Variants in SUFU observed in about 807,000 individuals in gnomAD.
The protein encoded by SUFU is SUFU negative regulator of hedgehog signaling.
SUFU carries 7 observed loss-of-function variants against 58.9 expected under a neutral mutation model. The observed-to-expected ratio is 0.12, with a 90% CI of 0.07 to 0.22. SUFU has a LOEUF of 0.22. SUFU is among the 10% of genes least tolerant of loss of function. SUFU has a pLI of 1.00. For synonymous variants in SUFU, 232 were observed against 254.8 expected (o/e 0.91, Z 0.85); for missense variants, 451 against 641.3 (o/e 0.70, Z 3.20).
At chr10:102,614,157 G>A (rs908573091) in intron 8 of SUFU, among the ~76,000 whole-genome samples, 1 of 152,216 alleles carries the variant, frequency 6.6e-6, no homozygotes, top group African/African-American at 2.4e-5. Context: ...GCATCTCATG[G>A]TGCTCAGAGC....
chr10:102,562,940 T>C (rs2063053376), intron 3 of SUFU, among the ~76,000 whole-genome samples: 1 of 152,200 alleles, frequency 6.6e-6, no homozygotes, highest in Non-Finnish European at 1.5e-5. Flanking sequence ...GGTACTTACC[T>C]TCTCTTATTT....
chr10:102,613,614 C>T (rs1308332495), intron 8 of SUFU, among the ~76,000 whole-genome samples: 1 of 152,256 alleles, frequency 6.6e-6, no homozygotes, highest in African/African-American at 2.4e-5. Flanking sequence ...CTGCCTGCCA[C>T]TTGAATGATA....
At chr10:102,567,086 A>G (rs1376267668) in intron 3 of SUFU, among the ~76,000 whole-genome samples, 1 of 112,112 alleles carries the variant, frequency 8.9e-6, no homozygotes, top group Non-Finnish European at 1.7e-5. Flanking sequence ...ATCTCGGCTC[A>G]CTGCAACCTC....
intron 2 of SUFU, among the ~76,000 whole-genome samples, chr10:102,545,568 G>C (rs1227262031): frequency 6.6e-6 from 1 of 152,128 alleles, no homozygotes; most frequent in African/African-American, 2.4e-5. Flanking sequence ...CCCTAATGAT[G>C]TGCAAGTATT....
chr10:102,508,688 G>A (rs1268296030), intron 1 of SUFU, among the ~76,000 whole-genome samples: 1 of 152,222 alleles, frequency 6.6e-6, no homozygotes, highest in African/African-American at 2.4e-5. Context: ...TAGTCTTTCA[G>A]GAATTAGCTG....
In SUFU at chr10:102,600,736, G is replaced by A. The variant is rs146670013; in HGVS notation, c.1022+1192G>A. On this transcript the variant is annotated intron_variant, in intron 8 of 11. Coordinates refer to ENST00000369902, the MANE Select transcript of SUFU (RefSeq NM_016169.4). ...CACAGGGGAGGCCTGGCTGGTTAAA[G>A]TTGAGGCTGCCTGCTGGGACCTGAC... Among the ~76,000 whole-genome samples, 138 of 152,336 alleles carry A rather than the reference G, an allele frequency of 9.1e-4. 1 individual carries two copies. The highest frequency in any genetic ancestry group is 3.2e-3 in the African/African-American group (135 of 41,572).
At chr10:102,514,429 CATTCACT>C (rs906157521) in intron 2 of SUFU, among the ~76,000 whole-genome samples, 17 of 152,200 alleles carry the variant, frequency 1.1e-4, no homozygotes, top group African/African-American at 4.1e-4. Context: ...TCCTTATTCA[CATTCACT>C]AAAGGAAACC....
Position 102,516,987 on chromosome 10 carries a change from G to T in SUFU, c.317+7684G>T, listed in dbSNP as rs182190409. Among the ~76,000 whole-genome samples, 1,367 of 151,704 alleles carry T rather than the reference G, an allele frequency of 9.0e-3. 18 individuals are homozygous for T. The highest frequency in any genetic ancestry group is 0.031 in the African/African-American group (1,291 of 41,392). On this transcript the variant is annotated intron_variant, in intron 2 of 11. Coordinates refer to ENST00000369902, the MANE Select transcript of SUFU (RefSeq NM_016169.4). ...AAAATACAAAAATTAGCCGGGTGTG[G>T]TGGTGGGCACCTGTAATCCCAGCTA... is the stretch of plus-strand genomic sequence containing the variant.
At chr10:102,526,178 A>T (rs1308880410) in intron 2 of SUFU, among the ~76,000 whole-genome samples, 1 of 152,164 alleles carries the variant, frequency 6.6e-6, no homozygotes, top group Admixed American at 6.6e-5. Flanking sequence ...TGTGCTGATC[A>T]GTAGTGGGAT....
chr10:102,558,771 A>G (rs538761319), intron 3 of SUFU, among the ~76,000 whole-genome samples: 1 of 152,376 alleles, frequency 6.6e-6, no homozygotes, highest in South Asian at 2.1e-4. Context: ...CTGGAGGGAC[A>G]TGTCTTACCT....
chr10:102,568,948 A>G (rs1217858150), intron 3 of SUFU, among the ~76,000 whole-genome samples: 3 of 80,196 alleles, frequency 3.7e-5, no homozygotes, highest in African/African-American at 1.3e-4. Context: ...ATATATATAT[A>G]TATATATATA....
intron 3 of SUFU, among the ~76,000 whole-genome samples, chr10:102,562,171 G>C (rs1299936888): frequency 6.6e-6 from 1 of 152,112 alleles, no homozygotes; most frequent in African/African-American, 2.4e-5. Context: ...GCCTCCTCTT[G>C]CCTTCCCAAA....
intron 2 of SUFU, among the ~76,000 whole-genome samples, chr10:102,514,302 G>A (rs1470758955): frequency 1.3e-5 from 2 of 152,144 alleles, no homozygotes; most frequent in African/African-American, 4.8e-5. Context: ...ATTTCTTCTT[G>A]CTCCTGGCAG....
At chr10:102,578,175 G>C (rs1321961359) in intron 3 of SUFU, among the ~76,000 whole-genome samples, 1 of 148,974 alleles carries the variant, frequency 6.7e-6, no homozygotes, top group African/African-American at 2.5e-5. Flanking sequence ...GGGCGTGGTG[G>C]TGGGCGCTTG....
chr10:102,522,758 C>T (rs1433671687), intron 2 of SUFU, among the ~76,000 whole-genome samples: 1 of 152,224 alleles, frequency 6.6e-6, no homozygotes, highest in East Asian at 1.9e-4. Flanking sequence ...GCGTTGATCG[C>T]TGTCCTCTCT....
At position 102,619,347 on chromosome 10, in the gene SUFU, G is replaced by T; in HGVS notation, c.1296+1919G>T. On this transcript the variant is annotated intron_variant, in intron 10 of 11. Coordinates refer to ENST00000369902, the MANE Select transcript of SUFU (RefSeq NM_016169.4). The surrounding 1 kb of genome is among the most constrained non-coding windows in gnomAD (Gnocchi z 4.2). ...CGAGCCTGAGGCCCAGCACCCGCTGGCTCCCCAGCACATGGTCCCCTCCCA... is the reference window on the plus strand; with the variant it reads ...CGAGCCTGAGGCCCAGCACCCGCTGTCTCCCCAGCACATGGTCCCCTCCCA... The T allele has an allele frequency of 1.4e-6, 2 of 1,421,318 alleles. No individual in the cohort carries two copies. The highest frequency in any genetic ancestry group is 1.8e-6 in the Non-Finnish European group (2 of 1,090,396). 88.0% of individuals were successfully genotyped at this position (1,421,318 alleles called of 1,614,324 possible).
intron 2 of SUFU, among the ~76,000 whole-genome samples, chr10:102,548,402 GTGA>G (rs1402359596): frequency 1.3e-5 from 2 of 152,130 alleles, no homozygotes; most frequent in Non-Finnish European, 2.9e-5. Context: ...GCCTCTCGGG[GTGA>G]TGATGATCAT....
intron 2 of SUFU, among the ~76,000 whole-genome samples, chr10:102,547,826 C>CG (rs540392800): frequency 0.01 from 1,507 of 145,806 alleles, 13 homozygotes; most frequent in Non-Finnish European, 0.017. Context: ...GAGAGAGAGG[C>CG]GGGGGGGAGA....
chr10:102,503,709 T>C (rs1458663632), upstream of SUFU, among the ~76,000 whole-genome samples: 3 of 152,238 alleles, frequency 2.0e-5, no homozygotes, highest in Non-Finnish European at 4.4e-5. Context: ...ACAAATCCTT[T>C]GTTGGCGCAC....
Sources: allele counts gnomAD v4.1 joint callset (sites outside exome capture counted in the v4.1 genomes callset), GRCh38; gene constraint gnomAD v4.1.1; non-coding constraint Gnocchi (gnomAD v3.1); transcripts MANE v1.5; gene names NCBI Gene and HGNC (gene_info 2026-07-23, HGNC 2026-07-21).